TTC28: variants seen among roughly 807,000 people sequenced by gnomAD.
TTC28 encodes the protein tetratricopeptide repeat protein 28.
TTC28 carries 61 observed loss-of-function variants against 198.0 expected under a neutral mutation model. That is an observed-to-expected ratio of 0.31 (90% CI 0.25 to 0.38). TTC28 has a LOEUF of 0.38. Among genes scored for constraint, TTC28 ranks in the 10% least tolerant of loss-of-function variants. The pLI is 1.00. For synonymous variants in TTC28, 1,171 were observed against 1,297.8 expected, an observed-to-expected ratio of 0.90 and a Z score of 2.10; for missense variants, 2,678 against 3,164.0, an observed-to-expected ratio of 0.85 and a Z score of 3.69.
intron 2 of TTC28, among the ~76,000 whole-genome samples, chr22:28,616,776 T>A (rs2050910978): frequency 6.6e-6 from 1 of 151,452 alleles, no homozygotes; most frequent in African/African-American, 2.4e-5. Context: ...AAGCCTGGGA[T>A]GTAGAGGCTG....
intron 2 of TTC28, among the ~76,000 whole-genome samples, chr22:28,470,120 C>T (rs561517469): frequency 1.3e-5 from 2 of 152,314 alleles, no homozygotes; most frequent in East Asian, 3.9e-4. Context: ...ACTGGGATTA[C>T]AGGCATAAGC....
At chr22:27,985,498 T>A in intron 21 of TTC28, 142 bp from the exon 22 acceptor site, 1 of 641,744 alleles carries the variant, frequency 1.6e-6, no homozygotes, top group Middle Eastern at 2.6e-4. Context: ...GGCTTCCCCA[T>A]GTCTGCACAG....
Position 27,996,373 on chromosome 22 carries a change from T to C in TTC28, c.5120-114A>G, listed in dbSNP as rs560447397. ...TTAACCCAGCAGAAAGAGCAGGGCC[T>C]GGCAGGGGAGCAGCTCACAGGCTGG... On this transcript the variant is annotated intron_variant, in intron 16 of 22. Transcript: ENST00000397906. 5.0e-5 allele frequency: 72 copies of C among 1,442,686 alleles called. No individual in the cohort carries two copies. In the East Asian group the frequency reaches 1.7e-3, roughly 34 times the overall value. The allele number at this position is 1,442,686 out of a possible 1,614,324, so 89.4% of individuals were successfully genotyped here. A position where few individuals can be genotyped will look rare whatever the true frequency, so the allele number is the denominator to read the frequency against.
At chr22:28,129,996 T>C (rs1943020099) in intron 6 of TTC28, among the ~76,000 whole-genome samples, 1 of 152,182 alleles carries the variant, frequency 6.6e-6, no homozygotes, top group African/African-American at 2.4e-5. Context: ...TTTACAGAAG[T>C]AAAGCACTAC....
At chr22:28,116,141 A>T (rs1211472371) in intron 6 of TTC28, among the ~76,000 whole-genome samples, 1 of 151,980 alleles carries the variant, frequency 6.6e-6, no homozygotes, top group African/African-American at 2.4e-5. Flanking sequence ...GTTCCTCTTC[A>T]GTCCCCTCCC....
chr22:28,177,328 A>G (rs961094529), intron 5 of TTC28, among the ~76,000 whole-genome samples: 15 of 152,248 alleles, frequency 9.9e-5, no homozygotes, highest in Non-Finnish European at 1.2e-4. Flanking sequence ...GTATTAGAAC[A>G]GCTAAAATCC....
intron 2 of TTC28, among the ~76,000 whole-genome samples, chr22:28,355,336 G>C (rs905870922): frequency 6.6e-6 from 1 of 151,836 alleles, no homozygotes; most frequent in Non-Finnish European, 1.5e-5. Flanking sequence ...GCTTTATTTC[G>C]GTGTTAATCC....
chr22:28,480,009 T>C (rs945580581), intron 2 of TTC28, among the ~76,000 whole-genome samples: 2 of 152,214 alleles, frequency 1.3e-5, no homozygotes, highest in African/African-American at 4.8e-5. Flanking sequence ...ACTGAGCATC[T>C]CCTTGCTGAG....
chr22:28,069,541 G>C (rs1032797922), intron 12 of TTC28, among the ~76,000 whole-genome samples: 1 of 151,974 alleles, frequency 6.6e-6, no homozygotes, highest in Non-Finnish European at 1.5e-5. Flanking sequence ...TATATATCTT[G>C]GCTTATTAAT....
At chr22:28,374,339 T>C (rs2046378662) in intron 2 of TTC28, among the ~76,000 whole-genome samples, 1 of 152,238 alleles carries the variant, frequency 6.6e-6, no homozygotes, top group South Asian at 2.1e-4. Flanking sequence ...TTTCCTTTCA[T>C]AGATATCATG....
intron 6 of TTC28, among the ~76,000 whole-genome samples, chr22:28,138,912 A>G (rs1943262173): frequency 6.6e-6 from 1 of 152,242 alleles, no homozygotes; most frequent in South Asian, 2.1e-4. Context: ...ATAGAGAATA[A>G]CAATGACCAC....
At chr22:28,342,976 C>A (rs1269943391) in intron 2 of TTC28, among the ~76,000 whole-genome samples, 1 of 152,042 alleles carries the variant, frequency 6.6e-6, no homozygotes, top group Non-Finnish European at 1.5e-5. Context: ...ACTAGAGAAC[C>A]AACTACTCTC....
chr22:28,583,109 C>T (rs2050255715), intron 2 of TTC28, among the ~76,000 whole-genome samples: 1 of 152,066 alleles, frequency 6.6e-6, no homozygotes, highest in South Asian at 2.1e-4. Context: ...GATCTCAATG[C>T]CTGCCTCTCT....
intron 2 of TTC28, among the ~76,000 whole-genome samples, chr22:28,464,778 G>T (rs1423371120): frequency 2.0e-5 from 3 of 152,108 alleles, no homozygotes; most frequent in Non-Finnish European, 4.4e-5. Context: ...TGGAAAAGAT[G>T]ATACTTACCC....
At chr22:28,079,986 C>G (rs891034545) in intron 12 of TTC28, among the ~76,000 whole-genome samples, 1 of 152,204 alleles carries the variant, frequency 6.6e-6, no homozygotes, top group African/African-American at 2.4e-5. Flanking sequence ...GCCTCAGCCT[C>G]TCGAAGTGCT....
At chr22:28,604,482 G>T (rs781111768) in intron 2 of TTC28, among the ~76,000 whole-genome samples, 14 of 150,532 alleles carry the variant, frequency 9.3e-5, no homozygotes, top group Non-Finnish European at 1.6e-4. Context: ...AGTGGCTCAC[G>T]CCTGTAATCC....
At chr22:28,454,025 T>C (rs2047822430) in intron 2 of TTC28, among the ~76,000 whole-genome samples, 2 of 152,352 alleles carry the variant, frequency 1.3e-5, no homozygotes, top group African/African-American at 2.4e-5. Context: ...ACCTTGTTAA[T>C]TGCAGTTATG....
Position 27,982,066 on chromosome 22 carries a change from T to C in TTC28, c.*155A>G, listed in dbSNP as rs1937037786. The C allele has an allele frequency of 4.1e-6, 3 of 727,566 alleles. No homozygotes were observed. The allele number at this position is 727,566 out of a possible 1,614,324, so 45.1% of individuals were successfully genotyped here. A position where few individuals can be genotyped will look rare whatever the true frequency, so the allele number is the denominator to read the frequency against. ...GGCCCAGAAAAGCCACCAGTGTGTG[T>C]GGCAGCCTTTGGACGTGGTGGTGCC... On this transcript the variant is annotated 3_prime_UTR_variant, in exon 23 of 23. Coordinates refer to ENST00000397906, the MANE Select transcript of TTC28 (RefSeq NM_001145418.2). The surrounding 1 kb of genome is among the most constrained non-coding windows in gnomAD (Gnocchi z 5.2).
chr22:28,286,104 A>G (rs1208172469), intron 5 of TTC28, among the ~76,000 whole-genome samples: 1 of 151,846 alleles, frequency 6.6e-6, no homozygotes, highest in Non-Finnish European at 1.5e-5. Context: ...GGTTCACGCC[A>G]TTCTCCTGCC....
Sources: allele counts gnomAD v4.1 joint callset (sites outside exome capture counted in the v4.1 genomes callset), GRCh38; gene constraint gnomAD v4.1.1; non-coding constraint Gnocchi (gnomAD v3.1); transcripts MANE v1.5; gene names NCBI Gene and HGNC (gene_info 2026-07-23, HGNC 2026-07-21).